The following PPP3CA variants were observed in gnomAD, a reference collection of about 807,000 sequenced individuals.
PPP3CA encodes the protein protein phosphatase 3 catalytic subunit alpha.
Under a neutral mutation model 66.5 loss-of-function variants are expected in PPP3CA, and 14 were observed. The observed-to-expected ratio is 0.21, with a 90% CI of 0.14 to 0.33. The LOEUF is 0.33. Ranked by LOEUF, PPP3CA falls within the 10% of genes least tolerant of loss-of-function variation. The probability of loss-of-function intolerance (pLI) is 1.00; values close to 1 mark genes in which losing one functional copy is unlikely to be tolerated. For missense variants in PPP3CA, 317 were observed against 639.5 expected, an observed-to-expected ratio of 0.50 and a Z score of 5.44; for synonymous variants, 232 against 226.2, an observed-to-expected ratio of 1.03 and a Z score of -0.23.
At chr4:101,121,457 C>T (rs903661135) in intron 2 of PPP3CA, among the ~76,000 whole-genome samples, 1 of 151,804 alleles carries the variant, frequency 6.6e-6, no homozygotes, top group Non-Finnish European at 1.5e-5. Context: ...TTTAAAAATC[C>T]TAAATCTCTT....
intron 2 of PPP3CA, among the ~76,000 whole-genome samples, chr4:101,148,917 T>C (rs770042446): frequency 9.9e-5 from 15 of 152,184 alleles, no homozygotes; most frequent in Non-Finnish European, 1.3e-4. Flanking sequence ...GCATAATATA[T>C]TCTGATTTCT....
chr4:101,330,542 T>C (rs544000505), intron 1 of PPP3CA: 4 of 451,816 alleles, frequency 8.9e-6, no homozygotes, highest in South Asian at 6.7e-5. Flanking sequence ...ATAATGCTAT[T>C]GCACACTTAA....
chr4:101,286,125 T>C (rs950192070), intron 1 of PPP3CA, among the ~76,000 whole-genome samples: 3 of 152,180 alleles, frequency 2.0e-5, no homozygotes, highest in Non-Finnish European at 4.4e-5. Context: ...GATCCTCATA[T>C]GTACAGTTCA....
chr4:101,287,751 G>A (rs531898070), intron 1 of PPP3CA, among the ~76,000 whole-genome samples: 4 of 145,856 alleles, frequency 2.7e-5, no homozygotes, highest in Non-Finnish European at 4.6e-5. Flanking sequence ...AGTAGCTAGT[G>A]TTCTATTAAC....
intron 1 of PPP3CA, among the ~76,000 whole-genome samples, chr4:101,327,001 T>C (rs1376706078): frequency 1.3e-5 from 2 of 152,182 alleles, no homozygotes; most frequent in African/African-American, 4.8e-5. Flanking sequence ...ATATACATTA[T>C]TGTGATAATT....
At chr4:101,233,767 G>C (rs1726038116) in intron 1 of PPP3CA, among the ~76,000 whole-genome samples, 1 of 151,192 alleles carries the variant, frequency 6.6e-6, no homozygotes, top group African/African-American at 2.4e-5. Flanking sequence ...TTAGGTGCAG[G>C]GGTACATGTG....
chr4:101,118,613 C>T (rs551491980), intron 2 of PPP3CA, among the ~76,000 whole-genome samples: 26 of 151,942 alleles, frequency 1.7e-4, no homozygotes, highest in Middle Eastern at 3.4e-3. Flanking sequence ...ATAAGTGATG[C>T]CTTCTTTTTA....
intron 3 of PPP3CA, among the ~76,000 whole-genome samples, chr4:101,105,477 A>T (rs1180474659): frequency 1.3e-5 from 2 of 148,552 alleles, no homozygotes; most frequent in South Asian, 2.1e-4. Context: ...TCTTTACTTA[A>T]AAAAAAAAAA....
chr4:101,111,679 T>C (rs1721675246), intron 2 of PPP3CA, among the ~76,000 whole-genome samples: 1 of 152,178 alleles, frequency 6.6e-6, no homozygotes, highest in Admixed American at 6.6e-5. Context: ...ACTATCTGAG[T>C]GAACTTGGAC....
At chr4:101,201,962 T>G (rs779541025) in intron 1 of PPP3CA, among the ~76,000 whole-genome samples, 2 of 152,172 alleles carry the variant, frequency 1.3e-5, no homozygotes, top group Non-Finnish European at 2.9e-5. Context: ...GGGCCACAGA[T>G]AACAAACATA....
chr4:101,156,677 AAAAG>A (rs1410451038), intron 2 of PPP3CA, among the ~76,000 whole-genome samples: 21 of 104,802 alleles, frequency 2.0e-4, no homozygotes, highest in East Asian at 1.8e-3. Context: ...TCTCAAAAAA[AAAAG>A]AAAGAAAGAA....
chr4:101,341,537 T>C (rs1729817553), intron 1 of PPP3CA, among the ~76,000 whole-genome samples: 1 of 152,222 alleles, frequency 6.6e-6, no homozygotes, highest in South Asian at 2.1e-4. Flanking sequence ...GTGTCATTTC[T>C]AATTCTGTGT....
intron 8 of PPP3CA, among the ~76,000 whole-genome samples, chr4:101,079,348 T>C (rs181486689): frequency 5.7e-4 from 86 of 152,194 alleles, no homozygotes; most frequent in African/African-American, 2.0e-3. Flanking sequence ...GATATGTTAT[T>C]TGACGCTTTT....
intron 6 of PPP3CA, among the ~76,000 whole-genome samples, chr4:101,093,491 C>A (rs1730051254): frequency 6.6e-6 from 1 of 151,050 alleles, no homozygotes; most frequent in Non-Finnish European, 1.5e-5. Context: ...CACTGGGAAA[C>A]CAAAAAAATA....
chr4:101,243,527 C>G (rs1452455617), intron 1 of PPP3CA, among the ~76,000 whole-genome samples: 1 of 151,984 alleles, frequency 6.6e-6, no homozygotes, highest in Non-Finnish European at 1.5e-5. Flanking sequence ...TTTTTCCTGT[C>G]ATTATATCTA....
chr4:101,149,063 G>C (rs1034908507), intron 2 of PPP3CA, among the ~76,000 whole-genome samples: 1 of 151,974 alleles, frequency 6.6e-6, no homozygotes, highest in African/African-American at 2.4e-5. Flanking sequence ...TTATTTTCAG[G>C]AATCAGTATT....
chr4:101,216,044 C>T (rs1025596849), intron 1 of PPP3CA, among the ~76,000 whole-genome samples: 1 of 151,972 alleles, frequency 6.6e-6, no homozygotes, highest in Non-Finnish European at 1.5e-5. Context: ...AAGAGAAAGT[C>T]CCTAAATCTT....
chr4:101,347,134 G>C lies in PPP3CA; in HGVS notation c.-338C>G. Reference sequence around the variant, plus strand: ...GGGAAGGGGGATGGGGAGGAGAAGCGCACACACGAGCACCCACCCCGGCAC... The same window carrying C: ...GGGAAGGGGGATGGGGAGGAGAAGCCCACACACGAGCACCCACCCCGGCAC... On this transcript the variant is annotated 5_prime_UTR_variant, in exon 1 of 14. Transcript: ENST00000394854. 1 of 446,866 alleles carries C rather than the reference G, an allele frequency of 2.2e-6. No individual in the cohort carries two copies. The highest frequency in any genetic ancestry group is 4.0e-6 in the Non-Finnish European group (1 of 247,122). The allele number at this position is 446,866 out of a possible 1,614,324, so 27.7% of individuals were successfully genotyped here.
intron 1 of PPP3CA, among the ~76,000 whole-genome samples, chr4:101,217,872 T>G (rs1043807246): frequency 6.6e-6 from 1 of 152,074 alleles, no homozygotes; most frequent in Non-Finnish European, 1.5e-5. Flanking sequence ...CCTGAAATCC[T>G]TATCCCCAAA....
Sources: allele counts gnomAD v4.1 joint callset (sites outside exome capture counted in the v4.1 genomes callset), GRCh38; gene constraint gnomAD v4.1.1; transcripts MANE v1.5; gene names NCBI Gene and HGNC (gene_info 2026-07-23, HGNC 2026-07-21).